Variants in SEMA3C observed in about 807,000 individuals in gnomAD.
SEMA3C encodes semaphorin 3C.
In SEMA3C, 47 loss-of-function variants were observed where a neutral mutation model predicts 89.4. The ratio of observed to expected loss-of-function variants is 0.53; its 90% CI spans 0.42 to 0.67. The LOEUF (loss-of-function observed/expected upper bound fraction) is 0.67. SEMA3C is among the 30% of genes least tolerant of loss of function. The pLI, the probability that SEMA3C is intolerant of heterozygous loss-of-function variation, is 0.00. For missense variants in SEMA3C, 839 were observed against 929.1 expected (o/e 0.90, Z 1.26); for synonymous variants, 310 against 320.2 (o/e 0.97, Z 0.34).
chr7:80,750,027 A>C (rs560924367), intron 16 of SEMA3C, among the ~76,000 whole-genome samples: 1 of 152,150 alleles, frequency 6.6e-6, no homozygotes, highest in Admixed American at 6.6e-5. Context: ...AAGTAAGCAA[A>C]ATCTGTCTTA....
chr7:80,831,532 GTTAATA>G (rs1287535231), intron 2 of SEMA3C, among the ~76,000 whole-genome samples: 3 of 152,082 alleles, frequency 2.0e-5, no homozygotes, highest in African/African-American at 7.2e-5. Flanking sequence ...CTAATTTAGA[GTTAATA>G]TTAATATATT....
intron 2 of SEMA3C, among the ~76,000 whole-genome samples, chr7:80,865,302 A>G (rs1790899279): frequency 6.6e-6 from 1 of 152,150 alleles, no homozygotes; most frequent in Admixed American, 6.6e-5. Context: ...TGTATATTAA[A>G]TATACAATTA....
intron 11 of SEMA3C, among the ~76,000 whole-genome samples, chr7:80,796,218 C>A (rs1404890470): frequency 3.9e-5 from 6 of 152,098 alleles, no homozygotes; most frequent in Admixed American, 6.5e-5. Context: ...TTTCAAATAG[C>A]AAGTCACTCT....
At chr7:80,882,832 A>G (rs944895700) in intron 2 of SEMA3C, among the ~76,000 whole-genome samples, 1 of 152,044 alleles carries the variant, frequency 6.6e-6, no homozygotes, top group Non-Finnish European at 1.5e-5. Context: ...ATATATAAAT[A>G]TTTTATTTGG....
chr7:80,917,185 T>C (rs1212318722), intron 1 of SEMA3C, among the ~76,000 whole-genome samples: 2 of 152,172 alleles, frequency 1.3e-5, no homozygotes, highest in Non-Finnish European at 1.5e-5. Context: ...GCTAAAAGAA[T>C]ATTACTGGAT....
chr7:80,883,883 T>C (rs1479728333), intron 2 of SEMA3C, among the ~76,000 whole-genome samples: 1 of 152,234 alleles, frequency 6.6e-6, no homozygotes, highest in East Asian at 1.9e-4. Flanking sequence ...CTTTCATTTT[T>C]ACTTAGCAGT....
chr7:80,758,753 C>T (rs1271778008), intron 14 of SEMA3C, among the ~76,000 whole-genome samples: 2 of 152,164 alleles, frequency 1.3e-5, no homozygotes, highest in African/African-American at 2.4e-5. Flanking sequence ...CATTGGGATT[C>T]ATTGTTCTCT....
chr7:80,854,941 C>A (rs1790603283), intron 2 of SEMA3C, among the ~76,000 whole-genome samples: 1 of 152,044 alleles, frequency 6.6e-6, no homozygotes, highest in Admixed American at 6.6e-5. Context: ...AGATTTTTGC[C>A]AACAGACATT....
chr7:80,745,415 A>G lies in SEMA3C; in HGVS notation c.1843-108T>C, dbSNP rs77277492. The G allele has an allele frequency of 0.012, 12,592 of 1,080,390 alleles. 972 individuals carry two copies. The East Asian group carries it at 0.2, about 17-fold the overall frequency. The allele number at this position is 1,080,390 out of a possible 1,614,324, so 66.9% of individuals were successfully genotyped here. ...ACTTTCACAGATTTGGGAAAAAAGT[A>G]TTGAGCACTACTTAGCATCCTTCTC... is the stretch of plus-strand genomic sequence containing the variant. On this transcript the variant is annotated intron_variant, in intron 17 of 17. Transcript: ENST00000265361.
chr7:80,851,378 C>T (rs957203587), intron 2 of SEMA3C, among the ~76,000 whole-genome samples: 1 of 151,562 alleles, frequency 6.6e-6, no homozygotes, highest in African/African-American at 2.4e-5. Flanking sequence ...GGGGCAGGCA[C>T]CTATAATCCC....
chr7:80,887,252 C>A (rs923601177), intron 2 of SEMA3C, among the ~76,000 whole-genome samples: 1 of 152,108 alleles, frequency 6.6e-6, no homozygotes, highest in African/African-American at 2.4e-5. Flanking sequence ...AGATTATGCT[C>A]ACCAATTTTA....
chr7:80,866,715 T>TTTAA (rs1790935004), intron 2 of SEMA3C, among the ~76,000 whole-genome samples: 1 of 152,174 alleles, frequency 6.6e-6, no homozygotes, highest in South Asian at 2.1e-4. Context: ...TCTTACAACT[T>TTTAA]AATAGTAATT....
chr7:80,867,396 C>T (rs1408516957), intron 2 of SEMA3C, among the ~76,000 whole-genome samples: 4 of 152,058 alleles, frequency 2.6e-5, no homozygotes, highest in Non-Finnish European at 2.9e-5. Context: ...CCACCACTCT[C>T]GGCCTAACAA....
In SEMA3C at chr7:80,828,716, A is replaced by G. The variant is rs1789938909; in HGVS notation, c.133T>C (p.Phe45Leu). The stretch of plus-strand genomic sequence containing the variant: ...TCTAAAGGATGGTGGGAAAGGCTGA[A>G]GTATTCAGAGGTCTTGGTTTCTCGA... ...ELRETKTSEY[F>L]SLSHHPLDYR... Residue 45 changes from phenylalanine (F) to leucine (L), a missense_variant, in exon 3 of 18, where the codon TTC becomes CTC. Phe to Leu is a conservative substitution (Grantham distance 22). Coordinates refer to ENST00000265361, the MANE Select transcript of SEMA3C (RefSeq NM_006379.5). 2 of 1,610,894 alleles carry G rather than the reference A, an allele frequency of 1.2e-6. No individual in the cohort carries two copies. Among genetic ancestry groups the G allele is most frequent in the African/African-American group, 1.3e-5 (1 of 74,990 alleles).
chr7:80,897,257 A>T (rs1791761395), intron 2 of SEMA3C, among the ~76,000 whole-genome samples: 1 of 152,252 alleles, frequency 6.6e-6, no homozygotes, highest in Non-Finnish European at 1.5e-5. Context: ...GGGAATTCCC[A>T]TCAAAAACAC....
At chr7:80,805,286 A>C (rs893803720) in intron 7 of SEMA3C, among the ~76,000 whole-genome samples, 3 of 152,118 alleles carry the variant, frequency 2.0e-5, no homozygotes, top group Non-Finnish European at 2.9e-5. Context: ...GTTAAAACAT[A>C]CAAGCAGATT....
intron 6 of SEMA3C, among the ~76,000 whole-genome samples, chr7:80,808,475 A>G (rs569030316): frequency 3.3e-5 from 5 of 152,272 alleles, no homozygotes; most frequent in African/African-American, 1.2e-4. Context: ...AGCTAACTTT[A>G]TGTCCTAAAT....
At chr7:80,763,489 C>G (rs942205730) in intron 13 of SEMA3C, among the ~76,000 whole-genome samples, 1 of 152,140 alleles carries the variant, frequency 6.6e-6, no homozygotes, top group African/African-American at 2.4e-5. Flanking sequence ...ATGTCCCCCA[C>G]GTGCATTCTG....
intron 2 of SEMA3C, among the ~76,000 whole-genome samples, chr7:80,848,570 T>C (rs1583938001): frequency 6.6e-6 from 1 of 152,126 alleles, no homozygotes; most frequent in Non-Finnish European, 1.5e-5. Flanking sequence ...TTTGAAAAAA[T>C]AAAGTTAGCC....
Sources: allele counts gnomAD v4.1 joint callset (sites outside exome capture counted in the v4.1 genomes callset), GRCh38; gene constraint gnomAD v4.1.1; transcripts MANE v1.5; gene names NCBI Gene and HGNC (gene_info 2026-07-23, HGNC 2026-07-21).